Variants in IDUA observed in about 807,000 individuals in gnomAD.
IDUA encodes the protein iduronidase alpha-L-.
A neutral mutation model predicts 68.9 loss-of-function variants in IDUA; 65 were observed. That is an observed-to-expected ratio of 0.94 (90% CI 0.77 to 1.16). The LOEUF (loss-of-function observed/expected upper bound fraction) is 1.16, where lower values mean the gene tolerates loss of function less well. Ranked by LOEUF, IDUA falls within the 50% of genes most tolerant of loss-of-function variation. The pLI, the probability that IDUA is intolerant of heterozygous loss-of-function variation, is 0.00. For synonymous variants in IDUA, 529 were observed against 433.6 expected (o/e 1.22, Z -2.73); for missense variants, 1,046 against 938.0 (o/e 1.12, Z -1.50).
In IDUA at chr4:990,159, G is replaced by A. The variant is rs756732014; in HGVS notation, c.299+2210G>A. 45 of 1,563,568 alleles carry A rather than the reference G, an allele frequency of 2.9e-5. No homozygotes were observed. The highest frequency in any genetic ancestry group is 1.9e-4 in the East Asian group (8 of 42,088). ...CCGTGCTGGTGACCACGTCGCACAC[G>A]TTGGCCTGCCCGGCGCCGCGCAGCA... On this transcript the variant is annotated intron_variant, in intron 2 of 13. Coordinates refer to ENST00000514224, the MANE Select transcript of IDUA (RefSeq NM_000203.5).
chr4:989,868 G>T, intron 2 of IDUA: 2 of 1,575,602 alleles, frequency 1.3e-6, no homozygotes, highest in Non-Finnish European at 1.7e-6. Flanking sequence ...CCGCCAGCGA[G>T]ATGGAGAAGG....
At chr4:989,123 C>T in intron 2 of IDUA, 1 of 1,606,768 alleles carries the variant, frequency 6.2e-7, no homozygotes, top group Non-Finnish European at 8.5e-7. Flanking sequence ...AAGCCGGCCG[C>T]TGCGGGCACC....
rs143621769 is a variant in IDUA, at chr4:1,004,065, C to T, written c.1781C>T (p.Pro594Leu). ...QFSQDGKAYTPVSRKPSTFNL... is the reference protein window; with the variant it reads ...QFSQDGKAYTLVSRKPSTFNL... ...TCTCAGGACGGTAAGGCGTACACCC[C>T]GGTCAGCAGGAAGCCATCGACCTTC... is the stretch of plus-strand genomic sequence containing the variant. The change falls in exon 13 of 14, where the codon CCG becomes CTG. Residue 594 changes from proline (P) to leucine (L), a missense_variant. By Grantham distance (98) the Pro-to-Leu change is moderately conservative. Transcript: ENST00000514224. The surrounding 1 kb of genome is among the most constrained non-coding windows in gnomAD (Gnocchi z 5.0). 1.7e-5 allele frequency: 27 copies of T among 1,612,580 alleles called. No individual in the cohort carries two copies. In the African/African-American group the frequency reaches 3.0e-4, roughly 18 times the overall value.
chr4:996,246 G>T (rs1350679045), intron 2 of IDUA, among the ~76,000 whole-genome samples: 1 of 152,248 alleles, frequency 6.6e-6, no homozygotes, highest in African/African-American at 2.4e-5. Context: ...GTCACGCAGG[G>T]CCTCAGGTCC....
At chr4:988,614 T>G (rs1003416759) in intron 2 of IDUA, 22 of 1,377,866 alleles carry the variant, frequency 1.6e-5, no homozygotes, top group Non-Finnish European at 2.0e-5. Context: ...CCAGCCTGTC[T>G]CGGAGGCAGA....
At position 1,001,506 on chromosome 4, in the gene IDUA, G is replaced by C. The variant is rs992336192; in HGVS notation, c.532G>C (p.Glu178Gln). Residue 178 changes from glutamate (E) to glutamine (Q), a missense_variant, in exon 5 of 14, where the codon GAG (glutamate) becomes CAG (glutamine). Coordinates refer to ENST00000514224, the MANE Select transcript of IDUA (RefSeq NM_000203.5). Reference sequence around the variant, plus strand: ...GGCGCATGTTTCCAAGTGGAACTTCGAGACGTGGAATGAGCCAGACCACCA... The same window carrying C: ...GGCGCATGTTTCCAAGTGGAACTTCCAGACGTGGAATGAGCCAGACCACCA... ...GLAHVSKWNF[E>Q]TWNEPDHHDF... The C allele has an allele frequency of 5.0e-6, 8 of 1,613,132 alleles. No individual in the cohort carries two copies. The highest frequency in any genetic ancestry group is 2.2e-5 in the East Asian group (1 of 44,896).
chr4:995,114 G>A (rs1248980181), intron 2 of IDUA, among the ~76,000 whole-genome samples: 3 of 150,116 alleles, frequency 2.0e-5, no homozygotes, highest in African/African-American at 7.4e-5. Flanking sequence ...GCACAATCTC[G>A]GCTCACTGCA....
At chr4:990,044 T>C (rs1714140714) in intron 2 of IDUA, 4 of 1,600,250 alleles carry the variant, frequency 2.5e-6, no homozygotes, top group Middle Eastern at 1.7e-4. Flanking sequence ...GCCACCACGA[T>C]GACCAGCAGC....
intron 2 of IDUA, chr4:991,953 T>A: frequency 1.2e-6 from 1 of 817,266 alleles, no homozygotes; most frequent in Non-Finnish European, 2.0e-6. Flanking sequence ...GAGATGGGAT[T>A]ACGACACCAA....
In IDUA at chr4:987,718, G is replaced by A. The variant is rs565417759; in HGVS notation, c.159-91G>A. Reference sequence around the variant, plus strand: ...CGCACGGGCAGCGCCTGGATCCTGCGCCCGGGCAGTCCTGGGCTTGAACGT... The same window carrying A: ...CGCACGGGCAGCGCCTGGATCCTGCACCCGGGCAGTCCTGGGCTTGAACGT... On this transcript the variant is annotated intron_variant, in intron 1 of 13. Transcript: ENST00000514224. 28 of 1,579,988 alleles carry A rather than the reference G, an allele frequency of 1.8e-5. No homozygotes were observed. The African/African-American group carries it at 2.6e-4, about 14-fold the overall frequency.
In IDUA at chr4:1,003,022, G is replaced by T. The variant is rs368368416; in HGVS notation, c.1403-14G>T. The T allele has an allele frequency of 3.2e-3, 4,751 of 1,474,276 alleles. 179 individuals carry two copies. The South Asian group carries it at 0.052, about 16-fold the overall frequency. 91.3% of individuals were successfully genotyped at this position (1,474,276 alleles called of 1,614,324 possible). A position where few individuals can be genotyped will look rare whatever the true frequency, so the allele number is the denominator to read the frequency against. ...CGGCCCGGGGAGCCGAGGCCTGAGT[G>T]TCAGGCCCCGCAGGCCTGGTCTACG... On this transcript the variant is annotated splice_polypyrimidine_tract_variant and intron_variant, in intron 9 of 13. Coordinates refer to ENST00000514224, the MANE Select transcript of IDUA (RefSeq NM_000203.5).
At chr4:1,001,305 C>A in intron 4 of IDUA, 163 bp from the exon 5 acceptor site, 1 of 724,084 alleles carries the variant, frequency 1.4e-6, no homozygotes, top group Non-Finnish European at 2.5e-6. Context: ...AGGTCTTGGA[C>A]CCCCTTGAGC....
intron 2 of IDUA, among the ~76,000 whole-genome samples, chr4:997,539 G>A (rs951689639): frequency 6.6e-6 from 1 of 151,230 alleles, no homozygotes. Context: ...GCGGCCGCGC[G>A]GTGAATGAGC....
chr4:999,487 T>C (rs1464057623), intron 2 of IDUA, among the ~76,000 whole-genome samples: 4 of 152,258 alleles, frequency 2.6e-5, no homozygotes, highest in Non-Finnish European at 5.9e-5. Context: ...TCCCGTTGCA[T>C]GGTAGCCTTA....
In IDUA at chr4:1,002,881, C is replaced by A. The variant is rs866224971; in HGVS notation, c.1339C>A (p.Arg447Ser). ...GCTGATCTACGCGAGCGACGACACCCGCGCCCACCCCAACCGCAGCGTCGC... is the reference window on the plus strand; with the variant it reads ...GCTGATCTACGCGAGCGACGACACCAGCGCCCACCCCAACCGCAGCGTCGC... ...AVLIYASDDT[R>S]AHPNRSVAVT... Residue 447 changes from arginine (R) to serine (S), a missense_variant, in exon 9 of 14, where the codon CGC becomes AGC. Physicochemically the swap from Arg to Ser is moderately radical, Grantham distance 110. Transcript: ENST00000514224. The A allele has an allele frequency of 1.4e-6, 2 of 1,435,014 alleles. No individual in the cohort carries two copies. The highest frequency in any genetic ancestry group is 3.0e-5 in the African/African-American group (2 of 67,176). The allele number at this position is 1,435,014 out of a possible 1,614,324, so 88.9% of individuals were successfully genotyped here. A position where few individuals can be genotyped will look rare whatever the true frequency, so the allele number is the denominator to read the frequency against.
Position 1,003,478 on chromosome 4 carries a change from G to T in IDUA, c.1650+8G>T, listed in dbSNP as rs1303834044. 2 of 1,579,692 alleles carry T rather than the reference G, an allele frequency of 1.3e-6. No individual in the cohort carries two copies. Among genetic ancestry groups the T allele is most frequent in the Non-Finnish European group, 8.6e-7 (1 of 1,169,316 alleles). ...GAGAAGCCGCCCGGGCAGGCAAGTGGCAGTCCCCTAACCCGCGCCGCGGCC... is the reference window on the plus strand; with the variant it reads ...GAGAAGCCGCCCGGGCAGGCAAGTGTCAGTCCCCTAACCCGCGCCGCGGCC... On this transcript the variant is annotated splice_region_variant and intron_variant, in intron 11 of 13. Coordinates refer to ENST00000514224, the MANE Select transcript of IDUA (RefSeq NM_000203.5).
At position 1,002,650 on chromosome 4, in the gene IDUA, C is replaced by T. The variant is rs947055587; in HGVS notation, c.1190-82C>T. 20 of 1,194,466 alleles carry T rather than the reference C, an allele frequency of 1.7e-5. No individual in the cohort carries two copies. The African/African-American group carries it at 2.4e-4, about 14-fold the overall frequency. The allele number at this position is 1,194,466 out of a possible 1,614,324, so 74.0% of individuals were successfully genotyped here. On this transcript the variant is annotated intron_variant, in intron 8 of 13. Transcript: ENST00000514224. Reference sequence around the variant, plus strand: ...ACTCCTTCACCAAGGGGAGGGGGAGCGAGTGGTGGGAGGCCCGGCCCTGGG... The same window carrying T: ...ACTCCTTCACCAAGGGGAGGGGGAGTGAGTGGTGGGAGGCCCGGCCCTGGG...
intron 12 of IDUA, 34 bp downstream of exon 12, chr4:1,003,659 G>C: frequency 3.7e-6 from 6 of 1,609,980 alleles, no homozygotes; most frequent in Non-Finnish European, 5.1e-6. Context: ...CCTCTGCCTG[G>C]TCCTAGGCAG....
At chr4:1,002,245 C>G in intron 7 of IDUA, 24 bp from the exon 8 acceptor site, 1 of 1,600,774 alleles carries the variant, frequency 6.2e-7, no homozygotes, top group South Asian at 1.1e-5. Context: ...GCCACCCGGT[C>G]CCAGCTGCCC....
Sources: allele counts gnomAD v4.1 joint callset (sites outside exome capture counted in the v4.1 genomes callset), GRCh38; gene constraint gnomAD v4.1.1; non-coding constraint Gnocchi (gnomAD v3.1); transcripts MANE v1.5; gene names NCBI Gene and HGNC (gene_info 2026-07-23, HGNC 2026-07-21).